SYNE2: variants seen among roughly 807,000 people sequenced by gnomAD.
The protein encoded by SYNE2 is nesprin-2.
In SYNE2, 431 loss-of-function variants were observed where a neutral mutation model predicts 856.3. That is an observed-to-expected ratio of 0.50 (90% CI 0.47 to 0.55). The LOEUF (loss-of-function observed/expected upper bound fraction) is 0.55. Among genes scored for constraint, SYNE2 ranks in the 20% least tolerant of loss-of-function variants. SYNE2 has a pLI of 0.00. For synonymous variants in SYNE2, 2,923 were observed against 2,872.3 expected, an observed-to-expected ratio of 1.02 and a Z score of -0.56; for missense variants, 8,129 against 8,023.2, an observed-to-expected ratio of 1.01 and a Z score of -0.50.
chr14:63,790,944 G>C (rs756285039), intron 1 of SYNE2, among the ~76,000 whole-genome samples: 4 of 151,748 alleles, frequency 2.6e-5, no homozygotes, highest in Non-Finnish European at 5.9e-5. Context: ...TCCTATGTCT[G>C]AAGATTATAG....
chr14:64,170,572 C>T, intron 94 of SYNE2, 110 bp downstream of exon 94: 2 of 1,157,600 alleles, frequency 1.7e-6, no homozygotes, highest in South Asian at 2.6e-5. Flanking sequence ...CAAGTGGGCT[C>T]TCTGCAGTGT....
chr14:64,217,522 T>TGGA (rs2098672134), intron 108 of SYNE2, among the ~76,000 whole-genome samples: 1 of 152,222 alleles, frequency 6.6e-6, no homozygotes. Flanking sequence ...TGTGTCCAAT[T>TGGA]CAGAAACACT....
At chr14:63,809,350 G>A (rs1428456600) in intron 1 of SYNE2, among the ~76,000 whole-genome samples, 2 of 152,122 alleles carry the variant, frequency 1.3e-5, no homozygotes, top group Non-Finnish European at 2.9e-5. Flanking sequence ...AATATTAAGA[G>A]TTATGTTTTG....
chr14:64,121,017 G>C lies in SYNE2; in HGVS notation c.13114G>C (p.Glu4372Gln), dbSNP rs1486675898. 1 of 1,614,154 alleles carries C rather than the reference G, an allele frequency of 6.2e-7. No homozygotes were observed. The highest frequency in any genetic ancestry group is 1.6e-4 in the Middle Eastern group (1 of 6,062). Residue 4372 changes from glutamate (E) to glutamine (Q), a missense_variant, in exon 68 of 116, where the codon GAA becomes CAA. This residue lies in a region of SYNE2 where 5,410 missense variants were observed against 5,284.8 expected (regional missense o/e 1.02). Transcript: ENST00000555002. ...NLSELESIVT[E>Q]RPQFSRQKDF... ...TTCTGAATTGGAATCCATTGTAACT[G>C]AAAGGCCACAATTCAGCAGACAAAA...
intron 2 of SYNE2, among the ~76,000 whole-genome samples, chr14:63,921,230 T>A (rs1003218380): frequency 6.6e-6 from 1 of 151,366 alleles, no homozygotes; most frequent in Non-Finnish European, 1.5e-5. Flanking sequence ...GGAAGGGAGT[T>A]GGTTAGACAT....
chr14:64,163,704 C>A, intron 89 of SYNE2, 123 bp downstream of exon 89: 1 of 1,080,902 alleles, frequency 9.3e-7, no homozygotes, highest in Non-Finnish European at 1.4e-6. Flanking sequence ...CAGACTGAAG[C>A]TGCTCCCAAA....
At chr14:63,895,556 C>T (rs1217046001) in intron 1 of SYNE2, among the ~76,000 whole-genome samples, 1 of 144,738 alleles carries the variant, frequency 6.9e-6, no homozygotes, top group Non-Finnish European at 1.5e-5. Context: ...AGTTTGAGAC[C>T]AGCCTGGGCA....
chr14:64,074,397 T>G (rs912054043), intron 53 of SYNE2, among the ~76,000 whole-genome samples: 4 of 152,208 alleles, frequency 2.6e-5, no homozygotes, highest in Admixed American at 1.3e-4. Flanking sequence ...TCAACTATGT[T>G]TCCAGTGTGT....
In SYNE2 at chr14:63,983,817, G is replaced by T. The variant is rs2096604651; in HGVS notation, c.2082G>T (p.Glu694Asp). Residue 694 changes from glutamate (E) to aspartate (D), a missense_variant, in exon 18 of 116, where the codon GAG (glutamate) becomes GAT (aspartate). Glu to Asp is a conservative substitution (Grantham distance 45, BLOSUM62 2). Around this residue, in one of 3 missense-constraint regions of SYNE2, gnomAD observed 2,422 missense variants for 2,357.4 expected, o/e 1.03. Transcript: ENST00000555002. ...DNSGNILSKE[E>D]KATVEFSTDM... Reference sequence around the variant, plus strand: ...CTGGAAATATTCTATCTAAAGAAGAGAAAGCAACTGTTGAGTTTTCAACAG... The same window carrying T: ...CTGGAAATATTCTATCTAAAGAAGATAAAGCAACTGTTGAGTTTTCAACAG... The T allele has an allele frequency of 6.2e-7, 1 of 1,609,774 alleles. No individual in the cohort carries two copies. The highest frequency in any genetic ancestry group is 1.7e-5 in the Admixed American group (1 of 59,958).
intron 12 of SYNE2, among the ~76,000 whole-genome samples, chr14:63,977,221 T>A (rs949918866): frequency 3.0e-4 from 45 of 150,580 alleles, no homozygotes; most frequent in Non-Finnish European, 5.0e-4. Flanking sequence ...ATGATGAAAA[T>A]TTTTTTTTTG....
intron 90 of SYNE2, 98 bp from the exon 91 acceptor site, chr14:64,167,135 G>T (rs933932268): frequency 6.6e-6 from 10 of 1,506,794 alleles, no homozygotes; most frequent in Non-Finnish European, 8.2e-6. Flanking sequence ...GCCTGTTCAG[G>T]CCCCAGTTTT....
chr14:63,926,128 G>A (rs1312988349), intron 2 of SYNE2, among the ~76,000 whole-genome samples: 3 of 152,074 alleles, frequency 2.0e-5, no homozygotes, highest in African/African-American at 7.2e-5. Context: ...ACAGGTGTGA[G>A]CCACCGCACC....
At chr14:64,139,891 T>C (rs1024987880) in intron 79 of SYNE2, 50 bp from the exon 80 acceptor site, 6 of 1,604,580 alleles carry the variant, frequency 3.7e-6, no homozygotes, top group Non-Finnish European at 5.1e-6. Context: ...TGCATATCAT[T>C]ATCAGAATAT....
chr14:64,040,818 A>T (rs1334905578), intron 45 of SYNE2, among the ~76,000 whole-genome samples: 1 of 151,736 alleles, frequency 6.6e-6, no homozygotes. Flanking sequence ...GGCAAAACTT[A>T]GAATTTTCCA....
chr14:63,919,217 T>G (rs2095567635), intron 2 of SYNE2, among the ~76,000 whole-genome samples: 1 of 152,222 alleles, frequency 6.6e-6, no homozygotes, highest in Non-Finnish European at 1.5e-5. Context: ...GGTGCTTATA[T>G]TTAAGCCAGA....
At chr14:63,877,133 G>C (rs538040635) in intron 1 of SYNE2, among the ~76,000 whole-genome samples, 8 of 152,088 alleles carry the variant, frequency 5.3e-5, no homozygotes, top group African/African-American at 1.9e-4. Flanking sequence ...AGCCACTTTC[G>C]TTAATAAATT....
At position 63,896,019 on chromosome 14, in the gene SYNE2, G is replaced by A. The variant is rs575244845; in HGVS notation, c.-51-13079G>A. Among the ~76,000 whole-genome samples, 16 of 152,186 alleles carry A rather than the reference G, an allele frequency of 1.1e-4. No individual in the cohort carries two copies. In the South Asian group the frequency reaches 1.7e-3, roughly 16 times the overall value. On this transcript the variant is annotated intron_variant, in intron 1 of 115. Coordinates refer to ENST00000555002, the MANE Select transcript of SYNE2 (RefSeq NM_182914.3). ...AATAGATGAGGACATTGGAATGAAGGAAAAATAGGGATAGGTGGATGTAGA... is the reference window on the plus strand; with the variant it reads ...AATAGATGAGGACATTGGAATGAAGAAAAAATAGGGATAGGTGGATGTAGA...
intron 2 of SYNE2, among the ~76,000 whole-genome samples, chr14:63,921,016 G>A (rs1327469019): frequency 1.3e-5 from 2 of 152,144 alleles, no homozygotes; most frequent in African/African-American, 4.8e-5. Context: ...TCTGGAGGCC[G>A]AGACAGGAGA....
intron 1 of SYNE2, among the ~76,000 whole-genome samples, chr14:63,872,884 T>C (rs773375349): frequency 3.9e-5 from 6 of 152,212 alleles, no homozygotes; most frequent in African/African-American, 7.2e-5. Context: ...TTGGTATATA[T>C]GTAACTCTGA....
Sources: gnomAD v4.1 joint callset for allele counts (sites outside exome capture counted in the v4.1 genomes callset) on GRCh38, gnomAD v4.1.1 for gene constraint, gnomAD v4.1.1 regional missense constraint, MANE v1.5 for transcripts, NCBI Gene and HGNC (gene_info 2026-07-23, HGNC 2026-07-21) for gene names.